HIVEP3: variants seen among roughly 807,000 people sequenced by gnomAD.
HIVEP3 encodes the protein transcription factor HIVEP3.
HIVEP3 carries 49 observed loss-of-function variants against 152.8 expected under a neutral mutation model. That is an observed-to-expected ratio of 0.32 (90% CI 0.26 to 0.41). HIVEP3 has a LOEUF of 0.41. HIVEP3 is among the 10% of genes least tolerant of loss of function. HIVEP3 has a pLI of 1.00. For missense variants in HIVEP3, 2,790 were observed against 3,103.3 expected (o/e 0.90, Z 2.40); for synonymous variants, 1,269 against 1,289.0 (o/e 0.98, Z 0.33).
chr1:42,004,660 A>G (rs1645448249), intron 1 of HIVEP3, among the ~76,000 whole-genome samples: 1 of 152,210 alleles, frequency 6.6e-6, no homozygotes, highest in African/African-American at 2.4e-5. Flanking sequence ...TTATACCTAA[A>G]AATACACCAT....
At chr1:41,646,342 C>A (rs1051640889) in intron 2 of HIVEP3, among the ~76,000 whole-genome samples, 2 of 152,198 alleles carry the variant, frequency 1.3e-5, no homozygotes, top group African/African-American at 4.8e-5. Flanking sequence ...AGATCCAGAC[C>A]CTTCAGCATG....
intron 1 of HIVEP3, among the ~76,000 whole-genome samples, chr1:41,857,753 G>A (rs1409974428): frequency 6.6e-6 from 1 of 152,200 alleles, no homozygotes; most frequent in Non-Finnish European, 1.5e-5. Flanking sequence ...GAAGGAAAGA[G>A]GTAGGGGTGA....
intron 1 of HIVEP3, among the ~76,000 whole-genome samples, chr1:41,900,782 A>G (rs185596054): frequency 2.8e-4 from 42 of 152,326 alleles, no homozygotes; most frequent in African/African-American, 9.6e-4. Flanking sequence ...ATAACTGGGA[A>G]TGAATCATCT....
At chr1:41,899,780 G>A (rs1351611233) in intron 1 of HIVEP3, among the ~76,000 whole-genome samples, 1 of 152,178 alleles carries the variant, frequency 6.6e-6, no homozygotes, top group Non-Finnish European at 1.5e-5. Context: ...GTAGCTCTAT[G>A]AAGTACTATT....
Position 41,599,891 on chromosome 1 carries a change from A to T in HIVEP3, c.-521-14573T>A, listed in dbSNP as rs187304004. 5.2e-3 allele frequency among the ~76,000 whole-genome samples: 788 copies of T among 152,290 alleles called. 4 individuals carry two copies. The highest frequency in any genetic ancestry group is 0.018 in the African/African-American group (748 of 41,564). ...CAAAAAGCCAAGCAAAACGATTTTT[A>T]AAAAAATGAGCAAAGGACTTGAAGA... On this transcript the variant is annotated intron_variant, in intron 3 of 8. Transcript: ENST00000372583.
intron 1 of HIVEP3, among the ~76,000 whole-genome samples, chr1:41,959,693 G>T (rs1645159039): frequency 6.6e-6 from 1 of 152,210 alleles, no homozygotes; most frequent in South Asian, 2.1e-4. Context: ...GGGAACTAAG[G>T]CTGGGGGACA....
intron 2 of HIVEP3, among the ~76,000 whole-genome samples, chr1:41,669,000 C>A (rs1341712920): frequency 6.6e-6 from 1 of 152,096 alleles, no homozygotes; most frequent in East Asian, 1.9e-4. Context: ...CCTGGGAGTG[C>A]AGAGGAAGCT....
At chr1:42,004,568 T>A (rs920596306) in intron 1 of HIVEP3, among the ~76,000 whole-genome samples, 1 of 152,196 alleles carries the variant, frequency 6.6e-6, no homozygotes, top group African/African-American at 2.4e-5. Context: ...CCGCTTGAGC[T>A]CCATACTGTA....
chr1:41,811,704 G>C (rs1462215336), intron 1 of HIVEP3, among the ~76,000 whole-genome samples: 2 of 151,892 alleles, frequency 1.3e-5, no homozygotes, highest in African/African-American at 4.8e-5. Flanking sequence ...AGGGGGTGGG[G>C]AAAGGCGAAA....
intron 1 of HIVEP3, among the ~76,000 whole-genome samples, chr1:42,011,704 C>T: frequency 1.3e-5 from 2 of 152,350 alleles, no homozygotes; most frequent in Admixed American, 1.3e-4. Context: ...GCCTCAAAGC[C>T]TCAAGGCAGA....
At chr1:41,597,749 C>T (rs1348046673) in intron 3 of HIVEP3, among the ~76,000 whole-genome samples, 1 of 152,198 alleles carries the variant, frequency 6.6e-6, no homozygotes, top group East Asian at 1.9e-4. Flanking sequence ...GCCTTCCTTT[C>T]CTTCATAAGG....
chr1:41,925,763 C>T (rs1369643092), intron 1 of HIVEP3, among the ~76,000 whole-genome samples: 2 of 152,172 alleles, frequency 1.3e-5, no homozygotes, highest in African/African-American at 2.4e-5. Flanking sequence ...ACTGTACATA[C>T]TGTCTTAACT....
At chr1:41,991,444 C>T (rs937156510) in intron 1 of HIVEP3, among the ~76,000 whole-genome samples, 3 of 151,468 alleles carry the variant, frequency 2.0e-5, no homozygotes, top group Non-Finnish European at 4.4e-5. Context: ...CAAGACTAAA[C>T]CAGCAAGAAG....
chr1:41,706,319 T>C (rs1317431579), intron 1 of HIVEP3, among the ~76,000 whole-genome samples: 6 of 152,236 alleles, frequency 3.9e-5, no homozygotes. Flanking sequence ...AGACGGAGTC[T>C]TGCTCTGTTG....
chr1:41,588,157 G>A (rs1384870472), intron 3 of HIVEP3, among the ~76,000 whole-genome samples: 2 of 152,226 alleles, frequency 1.3e-5, no homozygotes, highest in Non-Finnish European at 2.9e-5. Flanking sequence ...AGCACAGAGA[G>A]AACTGCTCTT....
chr1:41,544,976 T>TCACCTCTACCACCACC (rs1558047120), intron 5 of HIVEP3, among the ~76,000 whole-genome samples: 7 of 3,536 alleles, frequency 2.0e-3, no homozygotes, highest in Admixed American at 4.1e-3. Flanking sequence ...CCACCACCAC[T>TCACCTCTACCACCACC]ATCACCGCCA....
At chr1:41,866,405 C>T (rs544106678) in intron 1 of HIVEP3, among the ~76,000 whole-genome samples, 8 of 152,364 alleles carry the variant, frequency 5.3e-5, no homozygotes, top group East Asian at 3.9e-4. Context: ...TGACCTGCAG[C>T]TCAGGGTCGG....
rs1471426798 is a variant in HIVEP3 at position 41,507,599 on chromosome 1, G to A, written c.*2852C>T. ...TCAACAGAGCACGTAGCAGGCATCT[G>A]TGCCAAGTCAGCCACTGCCTCCTCT... On this transcript the variant is annotated 3_prime_UTR_variant, in exon 9 of 9. Coordinates refer to ENST00000372583, the MANE Select transcript of HIVEP3 (RefSeq NM_024503.5). 1 of 152,488 alleles carries A rather than the reference G, an allele frequency of 6.6e-6. No homozygotes were observed. Among genetic ancestry groups the A allele is most frequent in the African/African-American group, 2.4e-5 (1 of 41,450 alleles). 9.4% of individuals were successfully genotyped at this position (152,488 alleles called of 1,614,324 possible).
intron 1 of HIVEP3, among the ~76,000 whole-genome samples, chr1:41,758,314 G>C (rs1365690870): frequency 6.6e-6 from 1 of 152,204 alleles, no homozygotes; most frequent in Non-Finnish European, 1.5e-5. Flanking sequence ...AGAATGATGA[G>C]CCAGGTACAC....
Sources: allele counts gnomAD v4.1 joint callset (sites outside exome capture counted in the v4.1 genomes callset), GRCh38; gene constraint gnomAD v4.1.1; transcripts MANE v1.5; gene names NCBI Gene and HGNC (gene_info 2026-07-23, HGNC 2026-07-21).